IGF1R: variants seen among roughly 807,000 people sequenced by gnomAD.
The protein encoded by IGF1R is insulin like growth factor 1 receptor.
IGF1R carries 44 observed loss-of-function variants against 144.6 expected under a neutral mutation model. That is an observed-to-expected ratio of 0.30 (90% CI 0.24 to 0.39). The LOEUF is 0.39. Ranked by LOEUF, IGF1R falls within the 10% of genes least tolerant of loss-of-function variation. The probability of loss-of-function intolerance (pLI) is 1.00; values close to 1 mark genes in which losing one functional copy is unlikely to be tolerated. For synonymous variants in IGF1R, 795 were observed against 722.8 expected (o/e 1.10, Z -1.60); for missense variants, 1,355 against 1,833.7 (o/e 0.74, Z 4.77).
intron 2 of IGF1R, among the ~76,000 whole-genome samples, chr15:98,889,642 C>T (rs1230029988): frequency 6.6e-6 from 1 of 152,064 alleles, no homozygotes; most frequent in Non-Finnish European, 1.5e-5. Context: ...TTTGTAGATA[C>T]TTGTATTTAT....
intron 2 of IGF1R, among the ~76,000 whole-genome samples, chr15:98,840,801 G>T (rs770112479): frequency 3.2e-4 from 49 of 151,420 alleles, no homozygotes; most frequent in African/African-American, 1.0e-3. Context: ...TCAACCTCCC[G>T]AGTAGACTAG....
intron 2 of IGF1R, among the ~76,000 whole-genome samples, chr15:98,785,771 C>T (rs1464820607): frequency 6.6e-6 from 1 of 152,066 alleles, no homozygotes; most frequent in African/African-American, 2.4e-5. Context: ...AAGTGATCCC[C>T]ACCCACCTCA....
intron 2 of IGF1R, among the ~76,000 whole-genome samples, chr15:98,715,818 G>A (rs757666393): frequency 9.2e-5 from 14 of 152,202 alleles, no homozygotes; most frequent in Admixed American, 3.3e-4. Flanking sequence ...TGGAGGTAGC[G>A]AGAGACAGCC....
intron 2 of IGF1R, among the ~76,000 whole-genome samples, chr15:98,839,164 A>G (rs2011133950): frequency 1.3e-5 from 2 of 152,264 alleles, no homozygotes; most frequent in Non-Finnish European, 2.9e-5. Flanking sequence ...GCCAGGTACT[A>G]TTCTAAACAC....
At chr15:98,759,469 C>A (rs561997383) in intron 2 of IGF1R, among the ~76,000 whole-genome samples, 2 of 152,332 alleles carry the variant, frequency 1.3e-5, no homozygotes, top group Non-Finnish European at 2.9e-5. Flanking sequence ...AAGTACCTTC[C>A]CCTGCATTAC....
At position 98,735,857 on chromosome 15, in the gene IGF1R, T is replaced by C. The variant is rs531511005; in HGVS notation, c.640+27750T>C. On this transcript the variant is annotated intron_variant, in intron 2 of 20. Transcript: ENST00000650285. ...TGGTGCTCTAGAAGCCATGTACTGC[T>C]TCTGGCTTCTCCTTCCTTTCCTCCA... 5.9e-5 allele frequency among the ~76,000 whole-genome samples: 9 copies of C among 152,364 alleles called. No individual in the cohort carries two copies. The South Asian group carries it at 1.7e-3, about 28-fold the overall frequency.
At chr15:98,709,571 A>G (rs1249387972) in intron 2 of IGF1R, among the ~76,000 whole-genome samples, 1 of 152,184 alleles carries the variant, frequency 6.6e-6, no homozygotes, top group Non-Finnish European at 1.5e-5. Flanking sequence ...AACAAAATAT[A>G]TTTTTTAAAT....
chr15:98,933,205 G>T (rs189292728), intron 15 of IGF1R, among the ~76,000 whole-genome samples: 1 of 152,198 alleles, frequency 6.6e-6, no homozygotes, highest in Non-Finnish European at 1.5e-5. Context: ...GGAACAGGTT[G>T]ATTTTATTTT....
At chr15:98,849,224 A>G (rs1254591029) in intron 2 of IGF1R, among the ~76,000 whole-genome samples, 1 of 152,226 alleles carries the variant, frequency 6.6e-6, no homozygotes, top group Admixed American at 6.5e-5. Context: ...GAAAGTCCAA[A>G]TGTAGATGCA....
At chr15:98,672,462 C>A (rs13379685) in intron 1 of IGF1R, among the ~76,000 whole-genome samples, 1 of 149,390 alleles carries the variant, frequency 6.7e-6, no homozygotes. Flanking sequence ...CCCAGCTACT[C>A]GGGAGGCTGA....
At chr15:98,762,557 G>C (rs1179461458) in intron 2 of IGF1R, among the ~76,000 whole-genome samples, 1 of 150,366 alleles carries the variant, frequency 6.7e-6, no homozygotes, top group Non-Finnish European at 1.5e-5. Flanking sequence ...GTGAAACCCC[G>C]TCTCTACTGA....
intron 2 of IGF1R, among the ~76,000 whole-genome samples, chr15:98,740,031 T>C (rs1275541092): frequency 6.6e-6 from 1 of 152,254 alleles, no homozygotes; most frequent in Non-Finnish European, 1.5e-5. Flanking sequence ...TGAAGAACTC[T>C]GCGTGTTGAC....
intron 2 of IGF1R, among the ~76,000 whole-genome samples, chr15:98,740,932 T>C (rs946224640): frequency 6.6e-6 from 1 of 152,204 alleles, no homozygotes; most frequent in African/African-American, 2.4e-5. Context: ...TTGTCAAAAG[T>C]GTAGTATTCC....
At chr15:98,803,048 A>T (rs1415743390) in intron 2 of IGF1R, among the ~76,000 whole-genome samples, 1 of 152,224 alleles carries the variant, frequency 6.6e-6, no homozygotes, top group Non-Finnish European at 1.5e-5. Flanking sequence ...GTAATTAAAA[A>T]TGTACAGATC....
chr15:98,648,918 G>GGAGTGCTGAGCGCGGCGC lies in IGF1R; in HGVS notation c.-662_-645dup, dbSNP rs2052263777. On this transcript the variant is annotated 5_prime_UTR_variant, in exon 1 of 21. Transcript: ENST00000650285. ...CGGCGCAGAGCCGGGCGGCGCGGCGGGAGTGCTGAGCGCGGCGCGGCCGGC... is the reference window on the plus strand; with the variant it reads ...CGGCGCAGAGCCGGGCGGCGCGGCGGGAGTGCTGAGCGCGGCGCGAGTGCTGAGCGCGGCGCGGCCGGC... 3 of 168,292 alleles carry GGAGTGCTGAGCGCGGCGC rather than the reference G, an allele frequency of 1.8e-5. No individual in the cohort carries two copies. The highest frequency in any genetic ancestry group is 6.6e-5 in the Admixed American group (1 of 15,206). 10.4% of individuals were successfully genotyped at this position (168,292 alleles called of 1,614,324 possible). A position where few individuals can be genotyped will look rare whatever the true frequency, so the allele number is the denominator to read the frequency against.
At chr15:98,912,487 T>A (rs1027580691) in intron 7 of IGF1R, among the ~76,000 whole-genome samples, 2 of 152,236 alleles carry the variant, frequency 1.3e-5, no homozygotes, top group African/African-American at 2.4e-5. Flanking sequence ...CTATATTCTC[T>A]GATAGTCACA....
intron 2 of IGF1R, among the ~76,000 whole-genome samples, chr15:98,718,592 A>G (rs1264879378): frequency 6.6e-6 from 1 of 152,224 alleles, no homozygotes; most frequent in African/African-American, 2.4e-5. Context: ...AGGAGGGCCC[A>G]GCTGCAGTGC....
intron 20 of IGF1R, among the ~76,000 whole-genome samples, chr15:98,949,003 C>T (rs1226554858): frequency 6.6e-6 from 1 of 152,202 alleles, no homozygotes; most frequent in Non-Finnish European, 1.5e-5. Flanking sequence ...CCAGAGTAAT[C>T]CATCCTTACT....
At chr15:98,875,167 T>C (rs143729632) in intron 2 of IGF1R, among the ~76,000 whole-genome samples, 17 of 152,130 alleles carry the variant, frequency 1.1e-4, no homozygotes, top group African/African-American at 4.1e-4. Context: ...AGCAGTTGTT[T>C]TGACATGAAT....
Sources: gnomAD v4.1 joint callset for allele counts (sites outside exome capture counted in the v4.1 genomes callset) on GRCh38, gnomAD v4.1.1 for gene constraint, MANE v1.5 for transcripts, NCBI Gene and HGNC (gene_info 2026-07-23, HGNC 2026-07-21) for gene names.